SLC35E2B: variants seen among roughly 807,000 people sequenced by gnomAD.
The protein encoded by SLC35E2B is solute carrier family 35, member E2B.
Under a neutral mutation model 32.4 loss-of-function variants are expected in SLC35E2B, and 18 were observed. The observed-to-expected ratio is 0.56, with a 90% CI of 0.38 to 0.82. The LOEUF is 0.82. Ranked by LOEUF, SLC35E2B falls within the 40% of genes least tolerant of loss-of-function variation. The pLI is 0.00. For synonymous variants in SLC35E2B, 132 were observed against 209.1 expected, an observed-to-expected ratio of 0.63 and a Z score of 3.18; for missense variants, 263 against 469.5, an observed-to-expected ratio of 0.56 and a Z score of 4.06.
rs1209169468 is a variant in SLC35E2B, at chr1:1,663,812, C to G, written c.*1970G>C. The G allele has an allele frequency of 1.1e-6, 1 of 912,438 alleles. No homozygotes were observed. Among genetic ancestry groups the G allele is most frequent in the East Asian group, 1.2e-4 (1 of 8,658 alleles). The allele number at this position is 912,438 out of a possible 1,614,324, so 56.5% of individuals were successfully genotyped here. Reference sequence around the variant, plus strand: ...AAAGCAGAAAAAAAGAAATGGAAATCCGGGGAAAGTCACGTGACAAAACAT... The same window carrying G: ...AAAGCAGAAAAAAAGAAATGGAAATGCGGGGAAAGTCACGTGACAAAACAT... On this transcript the variant is annotated 3_prime_UTR_variant, in exon 10 of 10. Coordinates refer to ENST00000617444, the MANE Select transcript of SLC35E2B (RefSeq NM_001290264.2).
In SLC35E2B at chr1:1,664,804, T is replaced by G; in HGVS notation, c.*978A>C. The stretch of plus-strand genomic sequence containing the variant: ...GCCACGTAACCCAAACCATCAACAC[T>G]GCAGCGTCCTGCCCAAGGCTCACGT... On this transcript the variant is annotated 3_prime_UTR_variant, in exon 10 of 10. Coordinates refer to ENST00000617444, the MANE Select transcript of SLC35E2B (RefSeq NM_001290264.2). The G allele has an allele frequency of 2.2e-6, 2 of 902,890 alleles. No individual in the cohort carries two copies. Among genetic ancestry groups the G allele is most frequent in the South Asian group, 5.2e-5 (1 of 19,174 alleles). 55.9% of individuals were successfully genotyped at this position (902,890 alleles called of 1,614,324 possible).
rs1051347149 is a variant in SLC35E2B at position 1,671,515 on chromosome 1, A to G, written c.701T>C (p.Met234Thr). The G allele has an allele frequency of 4.6e-6, 7 of 1,533,900 alleles. No homozygotes were observed. The Admixed American group carries it at 1.0e-4, about 22-fold the overall frequency. ...GFSAALSTNIMDCLQNVFSKK... is the reference protein window; with the variant it reads ...GFSAALSTNITDCLQNVFSKK... ...CACCTTCTCTGTGACTCACCAGTCC[A>G]TGATGTTGGTGGACAGTGCGGCCGA... Residue 234 changes from methionine to threonine, a missense_variant, in exon 6 of 10, where the codon ATG (methionine) becomes ACG (threonine). Physicochemically the swap from Met to Thr is moderately conservative, Grantham distance 81. Around this residue, in one of 7 missense-constraint regions of SLC35E2B, gnomAD observed 129 missense variants for 164.5 expected, o/e 0.78. Coordinates refer to ENST00000617444, the MANE Select transcript of SLC35E2B (RefSeq NM_001290264.2).
At chr1:1,680,308 T>TA (rs1244867413) in intron 2 of SLC35E2B, among the ~76,000 whole-genome samples, 6 of 150,188 alleles carry the variant, frequency 4.0e-5, no homozygotes, top group South Asian at 2.1e-4. Flanking sequence ...CTCTAAAAAT[T>TA]AAAAAAAAGT....
Position 1,663,606 on chromosome 1 carries a change from G to A in SLC35E2B, c.*2176C>T, listed in dbSNP as rs1643463796. 4.2e-5 allele frequency: 11 copies of A among 261,374 alleles called. 1 individual carries two copies. Among genetic ancestry groups the A allele is most frequent in the Non-Finnish European group, 5.9e-5 (10 of 168,212 alleles). 16.2% of individuals were successfully genotyped at this position (261,374 alleles called of 1,614,324 possible). Reference sequence around the variant, plus strand: ...CTGCCTCAGCCTCCTGAGTATCTGGGATTACAGGCACCCACCATCGCACCC... The same window carrying A: ...CTGCCTCAGCCTCCTGAGTATCTGGAATTACAGGCACCCACCATCGCACCC... On this transcript the variant is annotated 3_prime_UTR_variant, in exon 10 of 10. Transcript: ENST00000617444.
At chr1:1,678,322 TC>T (rs1464646187) in intron 2 of SLC35E2B, among the ~76,000 whole-genome samples, 1 of 151,654 alleles carries the variant, frequency 6.6e-6, no homozygotes, top group African/African-American at 2.4e-5. Flanking sequence ...GGCCGGCCTC[TC>T]CCCCAGCTCA....
At chr1:1,678,996 G>A (rs562567857) in intron 2 of SLC35E2B, among the ~76,000 whole-genome samples, 2 of 152,250 alleles carry the variant, frequency 1.3e-5, no homozygotes, top group South Asian at 2.1e-4. Flanking sequence ...CAGGGGTGGA[G>A]CTCATGGCAG....
intron 6 of SLC35E2B, 54 bp from the exon 7 acceptor site, chr1:1,670,205 CA>C (rs1287173024): frequency 6.8e-6 from 9 of 1,325,596 alleles, no homozygotes; most frequent in African/African-American, 1.5e-5. Flanking sequence ...CACGGAACAT[CA>C]GGGGGAGAAG....
intron 5 of SLC35E2B, 43 bp from the exon 6 acceptor site, chr1:1,671,672 G>T: frequency 2.1e-6 from 3 of 1,463,356 alleles, no homozygotes; most frequent in Middle Eastern, 4.0e-4. Context: ...CCCGCCGGGC[G>T]GACGCTCCCT....
chr1:1,680,610 G>C (rs894261093), intron 2 of SLC35E2B, among the ~76,000 whole-genome samples: 1 of 152,066 alleles, frequency 6.6e-6, no homozygotes, highest in Non-Finnish European at 1.5e-5. Flanking sequence ...TGACTGTCCC[G>C]TCCCTGCAGT....
At position 1,665,351 on chromosome 1, in the gene SLC35E2B, G is replaced by A. The variant is rs1311508225; in HGVS notation, c.*431C>T. On this transcript the variant is annotated 3_prime_UTR_variant, in exon 10 of 10. Transcript: ENST00000617444. ...GTGGCCTCATGCCCAGGGCCAGTCT[G>A]CCGCCGGTCCAGGGCCTCAGGGCCT... 7.4e-6 allele frequency: 3 copies of A among 408,144 alleles called. No homozygotes were observed. Among genetic ancestry groups the A allele is most frequent in the East Asian group, 7.3e-5 (2 of 27,284 alleles). The allele number at this position is 408,144 out of a possible 1,614,324, so 25.3% of individuals were successfully genotyped here.
chr1:1,664,860 G>C lies in SLC35E2B; in HGVS notation c.*922C>G, dbSNP rs1643500547. 2 of 916,342 alleles carry C rather than the reference G, an allele frequency of 2.2e-6. No homozygotes were observed. The highest frequency in any genetic ancestry group is 5.1e-5 in the South Asian group (1 of 19,524). The allele number at this position is 916,342 out of a possible 1,614,324, so 56.8% of individuals were successfully genotyped here. On this transcript the variant is annotated 3_prime_UTR_variant, in exon 10 of 10. Coordinates refer to ENST00000617444, the MANE Select transcript of SLC35E2B (RefSeq NM_001290264.2). ...ACCGGACAGGTGCTAGATGATGATA[G>C]GAACAGTGGGCTCTGAGGGAGGACA...
At position 1,668,547 on chromosome 1, in the gene SLC35E2B, G is replaced by A. The variant is rs769272992; in HGVS notation, c.835-75C>T. On this transcript the variant is annotated intron_variant, in intron 8 of 9. Coordinates refer to ENST00000617444, the MANE Select transcript of SLC35E2B (RefSeq NM_001290264.2). ...TAATCATCCACCAAAAACGCCCAGCGCCACTCCTGCCCAGAAACTGGGTAA... is the reference window on the plus strand; with the variant it reads ...TAATCATCCACCAAAAACGCCCAGCACCACTCCTGCCCAGAAACTGGGTAA... 5.0e-5 allele frequency: 80 copies of A among 1,611,870 alleles called. No individual in the cohort carries two copies. The Admixed American group carries it at 1.0e-3, about 20-fold the overall frequency.
rs142107968 is a variant in SLC35E2B at position 1,685,855 on chromosome 1, G to A, written c.-148+5121C>T. Reference sequence around the variant, plus strand: ...TTTTTCCCTTTTCTTTTCTTGAGACGGAGTCTCGCTCTGTCGCCCAGGCTG... The same window carrying A: ...TTTTTCCCTTTTCTTTTCTTGAGACAGAGTCTCGCTCTGTCGCCCAGGCTG... On this transcript the variant is annotated intron_variant, in intron 2 of 9. Transcript: ENST00000617444. Among the ~76,000 whole-genome samples, 233 of 152,218 alleles carry A rather than the reference G, an allele frequency of 1.5e-3. 2 individuals are homozygous for A. Among genetic ancestry groups the A allele is most frequent in the African/African-American group, 5.2e-3 (215 of 41,538 alleles).
intron 2 of SLC35E2B, among the ~76,000 whole-genome samples, chr1:1,688,601 G>A (rs1643980571): frequency 1.5e-5 from 2 of 137,814 alleles, no homozygotes; most frequent in Non-Finnish European, 3.1e-5. Flanking sequence ...CTCTGTCCCA[G>A]AAAAAAATAA....
At chr1:1,677,641 C>T (rs1015852469) in intron 2 of SLC35E2B, among the ~76,000 whole-genome samples, 3 of 151,840 alleles carry the variant, frequency 2.0e-5, no homozygotes, top group Non-Finnish European at 2.9e-5. Context: ...CCACGTCCGG[C>T]TAATTTTTTG....
At chr1:1,668,641 T>C (rs1307138220) in intron 8 of SLC35E2B, among the ~76,000 whole-genome samples, 169 bp from the exon 9 acceptor site, 1 of 152,212 alleles carries the variant, frequency 6.6e-6, no homozygotes, top group Non-Finnish European at 1.5e-5. Flanking sequence ...CTCATCCATT[T>C]TCTGTTTTTT....
chr1:1,665,718 G>A lies in SLC35E2B; in HGVS notation c.*64C>T, dbSNP rs549600907. On this transcript the variant is annotated 3_prime_UTR_variant, in exon 10 of 10. Coordinates refer to ENST00000617444, the MANE Select transcript of SLC35E2B (RefSeq NM_001290264.2). ...CCCCAGCAGGGCCATGGAGGAGGGC[G>A]TCCCTGCCCATTTCTGGGGGATGCA... is the stretch of plus-strand genomic sequence containing the variant. The A allele has an allele frequency of 1.9e-5, 29 of 1,529,090 alleles. No homozygotes were observed. Among genetic ancestry groups the A allele is most frequent in the Middle Eastern group, 2.0e-4 (1 of 4,964 alleles). 94.7% of individuals were successfully genotyped at this position (1,529,090 alleles called of 1,614,324 possible). A position where few individuals can be genotyped will look rare whatever the true frequency, so the allele number is the denominator to read the frequency against.
At chr1:1,686,429 A>G (rs1643952078) in intron 2 of SLC35E2B, among the ~76,000 whole-genome samples, 2 of 150,258 alleles carry the variant, frequency 1.3e-5, no homozygotes, top group African/African-American at 4.9e-5. Context: ...GAGTGAAGCG[A>G]GATGCAAACA....
chr1:1,677,603 G>A (rs201452361), intron 2 of SLC35E2B, among the ~76,000 whole-genome samples: 6 of 150,794 alleles, frequency 4.0e-5, no homozygotes, highest in Admixed American at 6.6e-5. Context: ...TCAGGCTCCC[G>A]AGTAGCTGGG....
Sources: gnomAD v4.1 joint callset for allele counts (sites outside exome capture counted in the v4.1 genomes callset) on GRCh38, gnomAD v4.1.1 for gene constraint, gnomAD v4.1.1 regional missense constraint, MANE v1.5 for transcripts, NCBI Gene and HGNC (gene_info 2026-07-23, HGNC 2026-07-21) for gene names.